CCSER1: variants seen among roughly 807,000 people sequenced by gnomAD.
CCSER1 encodes coiled-coil serine rich protein 1.
In CCSER1, 41 loss-of-function variants were observed where a neutral mutation model predicts 82.0. The observed-to-expected ratio is 0.50, with a 90% CI of 0.39 to 0.65. The LOEUF (loss-of-function observed/expected upper bound fraction) is 0.65, where lower values mean the gene tolerates loss of function less well. Among genes scored for constraint, CCSER1 ranks in the 30% least tolerant of loss-of-function variants. The pLI is 0.00. For synonymous variants in CCSER1, 414 were observed against 383.9 expected (o/e 1.08, Z -0.92); for missense variants, 1,119 against 1,064.2 (o/e 1.05, Z -0.72).
intron 10 of CCSER1, among the ~76,000 whole-genome samples, chr4:91,285,773 A>T (rs1437887667): frequency 6.6e-6 from 1 of 151,878 alleles, no homozygotes; most frequent in Non-Finnish European, 1.5e-5. Context: ...GGATCTCTGC[A>T]TTACACATTA....
chr4:90,348,285 G>A (rs1168599774), intron 3 of CCSER1, among the ~76,000 whole-genome samples: 1 of 151,940 alleles, frequency 6.6e-6, no homozygotes, highest in African/African-American at 2.4e-5. Flanking sequence ...TAAAAAAAAG[G>A]TATCAATGTT....
intron 10 of CCSER1, among the ~76,000 whole-genome samples, chr4:91,431,083 A>G (rs903345864): frequency 6.6e-6 from 1 of 151,958 alleles, no homozygotes; most frequent in African/African-American, 2.4e-5. Context: ...AAAAATACAA[A>G]AAGTTAGCTG....
chr4:91,150,555 G>T (rs1427501648), intron 10 of CCSER1, among the ~76,000 whole-genome samples: 3 of 152,124 alleles, frequency 2.0e-5, no homozygotes, highest in Non-Finnish European at 2.9e-5. Context: ...CCTGTCTTGT[G>T]TGCCAGTTTT....
At chr4:91,530,205 C>T (rs2110165577) in intron 10 of CCSER1, among the ~76,000 whole-genome samples, 1 of 152,142 alleles carries the variant, frequency 6.6e-6, no homozygotes, top group East Asian at 1.9e-4. Context: ...TTATTAAAAA[C>T]ATATATTCAA....
intron 3 of CCSER1, 64 bp from the exon 4 acceptor site, chr4:90,399,970 CAT>C: frequency 1.2e-6 from 1 of 830,546 alleles, no homozygotes; most frequent in Non-Finnish European, 2.0e-6. Flanking sequence ...ACGGCTTCCA[CAT>C]ATGAGTATTT....
At chr4:91,396,225 C>G (rs1246386621) in intron 10 of CCSER1, among the ~76,000 whole-genome samples, 2 of 151,952 alleles carry the variant, frequency 1.3e-5, no homozygotes, top group Non-Finnish European at 2.9e-5. Context: ...TTGAGGTAAC[C>G]ATTATGCAAG....
chr4:91,557,504 TA>T (rs1456463523), intron 10 of CCSER1, among the ~76,000 whole-genome samples: 1 of 151,420 alleles, frequency 6.6e-6, no homozygotes, highest in Admixed American at 6.6e-5. Context: ...GATACATAAA[TA>T]AATAAACAAT....
intron 1 of CCSER1, among the ~76,000 whole-genome samples, chr4:90,288,541 C>T (rs1464072855): frequency 1.3e-5 from 2 of 151,922 alleles, no homozygotes; most frequent in African/African-American, 4.8e-5. Context: ...CTCTAATTCC[C>T]TTCTGAATCC....
chr4:91,369,371 T>G (rs938211378), intron 10 of CCSER1, among the ~76,000 whole-genome samples: 1 of 152,206 alleles, frequency 6.6e-6, no homozygotes, highest in South Asian at 2.1e-4. Context: ...GCTATTGAGA[T>G]GTTGGGGTGG....
chr4:91,158,524 C>T (rs946545036), intron 10 of CCSER1, among the ~76,000 whole-genome samples: 5 of 151,956 alleles, frequency 3.3e-5, no homozygotes, highest in East Asian at 1.9e-4. Flanking sequence ...TACTGTATGG[C>T]GCATAGTATA....
chr4:90,155,530 G>A (rs1191759862), intron 1 of CCSER1, among the ~76,000 whole-genome samples: 1 of 152,006 alleles, frequency 6.6e-6, no homozygotes, highest in Non-Finnish European at 1.5e-5. Flanking sequence ...TGGTTGGTAA[G>A]GTATTGATTA....
chr4:90,922,090 G>T (rs957169675), intron 8 of CCSER1, among the ~76,000 whole-genome samples: 1 of 151,874 alleles, frequency 6.6e-6, no homozygotes, highest in African/African-American at 2.4e-5. Context: ...ATTTTTCTCT[G>T]ACTAGCAGCA....
intron 7 of CCSER1, among the ~76,000 whole-genome samples, chr4:90,797,572 C>T (rs565545292): frequency 2.6e-5 from 4 of 152,228 alleles, no homozygotes; most frequent in Admixed American, 2.0e-4. Flanking sequence ...CATAGTGTCA[C>T]TGATCTGTAA....
chr4:91,124,278 C>T (rs1381819777), intron 10 of CCSER1, among the ~76,000 whole-genome samples: 4 of 151,592 alleles, frequency 2.6e-5, no homozygotes, highest in African/African-American at 9.7e-5. Flanking sequence ...ATCTGTGCAA[C>T]CAAACATAGT....
intron 10 of CCSER1, among the ~76,000 whole-genome samples, chr4:91,252,721 T>C (rs111451163): frequency 0.02 from 3,002 of 152,290 alleles, 98 homozygotes; most frequent in African/African-American, 0.066. Context: ...GTGTATGTTA[T>C]TGAAGTTTAG....
chr4:90,644,454 A>AT (rs112737998), intron 6 of CCSER1, among the ~76,000 whole-genome samples: 4 of 151,996 alleles, frequency 2.6e-5, no homozygotes, highest in Admixed American at 2.0e-4. Flanking sequence ...CTCAATCTGT[A>AT]TTTTTTTTAT....
Position 91,396,798 on chromosome 4 carries a change from A to G in CCSER1, c.2218-201774A>G, listed in dbSNP as rs142294595. Among the ~76,000 whole-genome samples, 452 of 152,158 alleles carry G rather than the reference A, an allele frequency of 3.0e-3. 2 individuals are homozygous for G. Among genetic ancestry groups the G allele is most frequent in the African/African-American group, 0.011 (438 of 41,528 alleles). ...AACCATTAAATTCAATAACTCATAA[A>G]TCAAAAAATTTTAAAGCTTATTACG... is the stretch of plus-strand genomic sequence containing the variant. On this transcript the variant is annotated intron_variant, in intron 10 of 10. Transcript: ENST00000509176.
intron 1 of CCSER1, among the ~76,000 whole-genome samples, chr4:90,135,302 A>G (rs1723466703): frequency 6.6e-6 from 1 of 152,090 alleles, no homozygotes; most frequent in African/African-American, 2.4e-5. Context: ...AAATTACCCA[A>G]TCTCACTATT....
chr4:91,503,206 G>A (rs1024930872), intron 10 of CCSER1, among the ~76,000 whole-genome samples: 5 of 151,908 alleles, frequency 3.3e-5, no homozygotes, highest in Non-Finnish European at 5.9e-5. Context: ...GCTGGGCGTG[G>A]TGGCGGGCGC....
Sources: gnomAD v4.1 joint callset for allele counts (sites outside exome capture counted in the v4.1 genomes callset) on GRCh38, gnomAD v4.1.1 for gene constraint, MANE v1.5 for transcripts, NCBI Gene and HGNC (gene_info 2026-07-23, HGNC 2026-07-21) for gene names.